The following MAPKAP1 variants were observed in gnomAD, a reference collection of about 807,000 sequenced individuals.
MAPKAP1 encodes target of rapamycin complex 2 subunit MAPKAP1.
Under a neutral mutation model 65.7 loss-of-function variants are expected in MAPKAP1, and 20 were observed. The ratio of observed to expected loss-of-function variants is 0.30; its 90% CI spans 0.21 to 0.44. The LOEUF (loss-of-function observed/expected upper bound fraction) is 0.44, where lower values mean the gene tolerates loss of function less well. Among genes scored for constraint, MAPKAP1 ranks in the 20% least tolerant of loss-of-function variants. The probability of loss-of-function intolerance (pLI) is 1.00; values close to 1 mark genes in which losing one functional copy is unlikely to be tolerated. For missense variants in MAPKAP1, 423 were observed against 648.0 expected (o/e 0.65, Z 3.77); for synonymous variants, 222 against 244.3 (o/e 0.91, Z 0.85).
chr9:125,657,806 T>A lies in MAPKAP1; in HGVS notation c.350-7A>T, dbSNP rs771092623. On this transcript the variant is annotated splice_polypyrimidine_tract_variant and splice_region_variant and intron_variant, in intron 3 of 11. Transcript: ENST00000265960. Reference sequence around the variant, plus strand: ...AGTGACTTTAACTCCTGGGCTGTGATACAAGAGGAAGAAAAACATCTTTGT... The same window carrying A: ...AGTGACTTTAACTCCTGGGCTGTGAAACAAGAGGAAGAAAAACATCTTTGT... 2 of 1,609,810 alleles carry A rather than the reference T, an allele frequency of 1.2e-6. No homozygotes were observed. The highest frequency in any genetic ancestry group is 1.1e-5 in the South Asian group (1 of 90,222).
intron 1 of MAPKAP1, among the ~76,000 whole-genome samples, chr9:125,675,131 T>C (rs548225078): frequency 6.6e-6 from 1 of 152,212 alleles, no homozygotes; most frequent in African/African-American, 2.4e-5. Context: ...TCTACAGCAA[T>C]CACAATAAGC....
intron 9 of MAPKAP1, among the ~76,000 whole-genome samples, chr9:125,469,493 A>G (rs1417647370): frequency 6.6e-6 from 1 of 152,248 alleles, no homozygotes; most frequent in Non-Finnish European, 1.5e-5. Flanking sequence ...GAATAAATAA[A>G]TCCCAAATAC....
intron 4 of MAPKAP1, among the ~76,000 whole-genome samples, chr9:125,586,064 G>A (rs1831774750): frequency 6.6e-6 from 1 of 152,116 alleles, no homozygotes; most frequent in African/African-American, 2.4e-5. Flanking sequence ...CCTTAGCACT[G>A]GGTGCCTCTC....
intron 4 of MAPKAP1, among the ~76,000 whole-genome samples, chr9:125,612,131 T>A (rs1333906656): frequency 6.6e-6 from 1 of 152,220 alleles, no homozygotes; most frequent in Non-Finnish European, 1.5e-5. Context: ...ATTTCTGTTA[T>A]TTTTTGATAC....
At chr9:125,664,501 G>C (rs902588347) in intron 3 of MAPKAP1, among the ~76,000 whole-genome samples, 1 of 151,430 alleles carries the variant, frequency 6.6e-6, no homozygotes, top group Non-Finnish European at 1.5e-5. Flanking sequence ...GAGGCGAGAA[G>C]ATCACTTGAG....
chr9:125,649,026 G>A (rs1414260123), intron 4 of MAPKAP1, among the ~76,000 whole-genome samples: 8 of 152,170 alleles, frequency 5.3e-5, no homozygotes, highest in Non-Finnish European at 1.2e-4. Flanking sequence ...AGCCTAGGCT[G>A]TCATTTGATT....
At chr9:125,460,516 G>A (rs1402477656) in intron 10 of MAPKAP1, among the ~76,000 whole-genome samples, 3 of 152,076 alleles carry the variant, frequency 2.0e-5, no homozygotes, top group African/African-American at 4.8e-5. Flanking sequence ...TACACATAAC[G>A]TCCCCTATGA....
At chr9:125,533,824 AAATCTAGCACAAATATGC>A (rs1295351509) in intron 7 of MAPKAP1, among the ~76,000 whole-genome samples, 59 of 152,222 alleles carry the variant, frequency 3.9e-4, no homozygotes, top group African/African-American at 1.3e-3. Flanking sequence ...TCCATATTTA[AAATCTAGCACAAATATGC>A]AATCTAGCAC....
At chr9:125,566,299 T>G (rs1281502474) in intron 5 of MAPKAP1, among the ~76,000 whole-genome samples, 1 of 152,170 alleles carries the variant, frequency 6.6e-6, no homozygotes, top group Non-Finnish European at 1.5e-5. Context: ...GTGTGGTGAC[T>G]CACACCTATA....
At chr9:125,624,529 T>C (rs1319404858) in intron 4 of MAPKAP1, among the ~76,000 whole-genome samples, 1 of 71,770 alleles carries the variant, frequency 1.4e-5, no homozygotes, top group Non-Finnish European at 3.1e-5. Flanking sequence ...GGAGCCCCTC[T>C]GCCCAGCCAG....
chr9:125,549,232 T>G (rs1830514954), intron 6 of MAPKAP1, among the ~76,000 whole-genome samples: 1 of 152,232 alleles, frequency 6.6e-6, no homozygotes, highest in Admixed American at 6.5e-5. Context: ...CAGTCTCAGT[T>G]TGCAGAAGTG....
At chr9:125,526,017 A>C (rs1216612546) in intron 7 of MAPKAP1, among the ~76,000 whole-genome samples, 1 of 152,238 alleles carries the variant, frequency 6.6e-6, no homozygotes, top group African/African-American at 2.4e-5. Flanking sequence ...GGTACTCCAC[A>C]ATCTCTTCAG....
chr9:125,650,914 G>T (rs1312476695), intron 4 of MAPKAP1, among the ~76,000 whole-genome samples: 2 of 152,170 alleles, frequency 1.3e-5, no homozygotes, highest in Non-Finnish European at 2.9e-5. Context: ...CAACAGGAGA[G>T]AATTAATATA....
chr9:125,706,641 G>GA (rs1835769361), intron 1 of MAPKAP1, among the ~76,000 whole-genome samples: 2 of 152,034 alleles, frequency 1.3e-5, no homozygotes, highest in African/African-American at 4.8e-5. Flanking sequence ...GTCAATGCTT[G>GA]AAAACCTTGA....
chr9:125,516,419 G>A (rs1225383680), intron 7 of MAPKAP1, among the ~76,000 whole-genome samples: 1 of 152,196 alleles, frequency 6.6e-6, no homozygotes, highest in Admixed American at 6.5e-5. Context: ...AGAAGCGGCA[G>A]CCATTCATCC....
chr9:125,501,028 T>C (rs1201018310), intron 8 of MAPKAP1, among the ~76,000 whole-genome samples: 1 of 152,186 alleles, frequency 6.6e-6, no homozygotes, highest in Admixed American at 6.5e-5. Flanking sequence ...GTACTAGATA[T>C]GGTATGAAAT....
chr9:125,601,248 A>G (rs1233794493), intron 4 of MAPKAP1, among the ~76,000 whole-genome samples: 1 of 152,208 alleles, frequency 6.6e-6, no homozygotes, highest in Non-Finnish European at 1.5e-5. Context: ...AGGACAATTT[A>G]ATTTCAAAGA....
intron 5 of MAPKAP1, among the ~76,000 whole-genome samples, chr9:125,566,937 A>G (rs1831073530): frequency 6.6e-6 from 1 of 152,190 alleles, no homozygotes; most frequent in Non-Finnish European, 1.5e-5. Flanking sequence ...ACAGGCAGAA[A>G]ACCAAACTCA....
chr9:125,523,613 T>TA, intron 7 of MAPKAP1, among the ~76,000 whole-genome samples: 1 of 152,366 alleles, frequency 6.6e-6, no homozygotes, highest in Non-Finnish European at 1.5e-5. Context: ...TTTTAGCTGT[T>TA]ACGATGCTAG....
Sources: gnomAD v4.1 joint callset for allele counts (sites outside exome capture counted in the v4.1 genomes callset) on GRCh38, gnomAD v4.1.1 for gene constraint, MANE v1.5 for transcripts, NCBI Gene and HGNC (gene_info 2026-07-23, HGNC 2026-07-21) for gene names.